The following TMCC2 variants were observed in gnomAD, a reference collection of about 807,000 sequenced individuals.
TMCC2 encodes the protein transmembrane and coiled-coil domains protein 2.
A neutral mutation model predicts 49.4 loss-of-function variants in TMCC2; 16 were observed. That is an observed-to-expected ratio of 0.32 (90% confidence interval 0.22 to 0.49). The LOEUF (loss-of-function observed/expected upper bound fraction) is 0.49, where lower values mean the gene tolerates loss of function less well. TMCC2 is among the 20% of genes least tolerant of loss of function. The probability of loss-of-function intolerance (pLI) is 0.99; values close to 1 mark genes in which losing one functional copy is unlikely to be tolerated. For synonymous variants in TMCC2, 397 were observed against 434.1 expected (o/e 0.91, Z 1.06); for missense variants, 762 against 989.8 (o/e 0.77, Z 3.09).
chr1:205,259,032 C>T (rs1173542136), intron 2 of TMCC2, among the ~76,000 whole-genome samples: 2 of 152,226 alleles, frequency 1.3e-5, no homozygotes, highest in African/African-American at 4.8e-5. Context: ...CCACTGGGAG[C>T]CCAGACCTTG....
At chr1:205,268,412 G>A (rs541798161) in intron 2 of TMCC2, among the ~76,000 whole-genome samples, 1 of 152,278 alleles carries the variant, frequency 6.6e-6, no homozygotes, top group African/African-American at 2.4e-5. Context: ...TCAGGAGTTC[G>A]AGACCAGCCT....
At chr1:205,256,297 C>T in intron 2 of TMCC2, 3 of 1,548,550 alleles carry the variant, frequency 1.9e-6, no homozygotes, top group Non-Finnish European at 1.7e-6. Context: ...AGCTGGCCAG[C>T]CGGTGACACT....
chr1:205,265,781 G>A (rs1661298704), intron 2 of TMCC2, among the ~76,000 whole-genome samples: 1 of 150,614 alleles, frequency 6.6e-6, no homozygotes, highest in South Asian at 2.1e-4. Flanking sequence ...GGCTGGTCTC[G>A]AACCCCTGAC....
Position 205,258,723 on chromosome 1 carries a change from T to C in TMCC2, c.748-10227T>C, listed in dbSNP as rs1660981643. Among the ~76,000 whole-genome samples the C allele has an allele frequency of 1.3e-5, 2 of 152,224 alleles. 1 individual carries two copies. Among genetic ancestry groups the C allele is most frequent in the South Asian group, 4.1e-4 (2 of 4,834 alleles). ...AATAATTTTTCCACCCTGCTCTTGC[T>C]GGAATGTTGGGTTGGTACAAGAAAT... On this transcript the variant is annotated intron_variant, in intron 2 of 4. Coordinates refer to ENST00000358024, the MANE Select transcript of TMCC2 (RefSeq NM_014858.4).
rs1659643559 is a variant in TMCC2 at position 205,228,070 on chromosome 1, C to CG, written c.-491dup. On this transcript the variant is annotated 5_prime_UTR_variant, in exon 1 of 5. An upstream open reading frame in the 5' UTR loses its in-frame stop. Transcript: ENST00000358024. ...CTGCGGGCTCCGCGGCCGGACCATG[C>CG]GGGGCAGGGGCCGGTTGCAGGGCCG... The CG allele has an allele frequency of 6.8e-6, 1 of 146,598 alleles. No homozygotes were observed. Among genetic ancestry groups the CG allele is most frequent in the Admixed American group, 6.8e-5 (1 of 14,760 alleles). The allele number at this position is 146,598 out of a possible 1,614,324, so 9.1% of individuals were successfully genotyped here. A position where few individuals can be genotyped will look rare whatever the true frequency, so the allele number is the denominator to read the frequency against.
chr1:205,254,059 C>T (rs969455915), intron 2 of TMCC2, among the ~76,000 whole-genome samples: 8 of 152,208 alleles, frequency 5.3e-5, no homozygotes, highest in African/African-American at 1.2e-4. Context: ...AAGGCCGCCT[C>T]GTCCAAGCTG....
At chr1:205,229,562 T>TGGGGGGGGGGGGGGGGGGGGGGGG (rs1659707258) in intron 1 of TMCC2, 1 of 453,360 alleles carries the variant, frequency 2.2e-6, no homozygotes, top group African/African-American at 1.3e-4. Context: ...GGGGGGGTGG[T>TGGGGGGGGGGGGGGGGGGGGGGGG]GGCGGGGGCG....
Position 205,272,141 on chromosome 1 carries a change from A to C in TMCC2, c.*17A>C. The C allele has an allele frequency of 6.2e-7, 1 of 1,605,540 alleles. No homozygotes were observed. Among genetic ancestry groups the C allele is most frequent in the Non-Finnish European group, 8.5e-7 (1 of 1,173,222 alleles). On this transcript the variant is annotated 3_prime_UTR_variant, in exon 5 of 5. Coordinates refer to ENST00000358024, the MANE Select transcript of TMCC2 (RefSeq NM_014858.4). Reference sequence around the variant, plus strand: ...CCCAGCTGAGTGGCCAGCCACACCAACCCTGTGCTCTCTGGCCCCCAGCTG... The same window carrying C: ...CCCAGCTGAGTGGCCAGCCACACCACCCCTGTGCTCTCTGGCCCCCAGCTG...
intron 2 of TMCC2, chr1:205,246,670 C>G (rs754405634): frequency 1.3e-6 from 2 of 1,550,274 alleles, no homozygotes; most frequent in Non-Finnish European, 8.7e-7. Context: ...CATGTAGAGG[C>G]AGCCAGGCCC....
At chr1:205,234,635 A>C (rs887426207) in intron 1 of TMCC2, among the ~76,000 whole-genome samples, 4 of 152,140 alleles carry the variant, frequency 2.6e-5, no homozygotes, top group Middle Eastern at 3.4e-3. Context: ...TTAATCAGGA[A>C]AGTTGTTCTG....
chr1:205,268,920 C>T, intron 2 of TMCC2, 30 bp from the exon 3 acceptor site: 1 of 1,604,286 alleles, frequency 6.2e-7, no homozygotes, highest in Non-Finnish European at 8.5e-7. Context: ...AGGGTTTACC[C>T]ATGCTTCCTC....
In TMCC2 at chr1:205,264,404, C is replaced by T. The variant is rs574049300; in HGVS notation, c.748-4546C>T. ...TGCAGTCTTGGCTCACTGCAACTTCCGCCTCCCAGGTTCAAGTGATTCTTC... is the reference window on the plus strand; with the variant it reads ...TGCAGTCTTGGCTCACTGCAACTTCTGCCTCCCAGGTTCAAGTGATTCTTC... On this transcript the variant is annotated intron_variant, in intron 2 of 4. Coordinates refer to ENST00000358024, the MANE Select transcript of TMCC2 (RefSeq NM_014858.4). The surrounding 1 kb of genome is among the most constrained non-coding windows in gnomAD (Gnocchi z 4.2). Among the ~76,000 whole-genome samples the T allele has an allele frequency of 3.3e-5, 5 of 152,228 alleles. No individual in the cohort carries two copies. Among genetic ancestry groups the T allele is most frequent in the African/African-American group, 4.8e-5 (2 of 41,532 alleles).
chr1:205,268,979 C>G lies in TMCC2; in HGVS notation c.777C>G (p.Ser259Arg). Residue 259 changes from serine to arginine, a missense_variant, in exon 3 of 5, where the codon AGC (serine) becomes AGG (arginine). Ser to Arg is a moderately radical substitution (Grantham distance 110). Transcript: ENST00000358024. ...ATAAGGGAGACCTGGTGGCCCTGAG[C>G]CTCCCCGCCGGCCATGGTGACACCG... is the stretch of plus-strand genomic sequence containing the variant. Reference protein sequence around the residue: ...KVDKGDLVALSLPAGHGDTDG... With the variant: ...KVDKGDLVALRLPAGHGDTDG... 1 of 1,612,946 alleles carries G rather than the reference C, an allele frequency of 6.2e-7. No individual in the cohort carries two copies. The highest frequency in any genetic ancestry group is 8.5e-7 in the Non-Finnish European group (1 of 1,179,804).
At position 205,272,037 on chromosome 1, in the gene TMCC2, C is replaced by A; in HGVS notation, c.2043C>A (p.Thr681=). 1 of 1,614,234 alleles carries A rather than the reference C, an allele frequency of 6.2e-7. No individual in the cohort carries two copies. The highest frequency in any genetic ancestry group is 8.5e-7 in the Non-Finnish European group (1 of 1,180,032). ...AGACACGCCTGCGCATCACCAGCAC[C>A]ACCCTCCTGGTCCTCGTCCTGTTCC... ...LMKTRLRITS[T]TLLVLVLFLL... is the part of the protein sequence containing the mutation. The change falls in exon 5 of 5, where the codon ACC becomes ACA. Residue 681 remains threonine, a synonymous_variant. Transcript: ENST00000358024.
chr1:205,257,210 G>A (rs1036643706), intron 2 of TMCC2: 44 of 1,232,304 alleles, frequency 3.6e-5, no homozygotes, highest in African/African-American at 1.2e-4. Context: ...TGGAGATGGC[G>A]GCTGCAGAGT....
At chr1:205,263,472 C>T (rs1661199564) in intron 2 of TMCC2, among the ~76,000 whole-genome samples, 2 of 152,146 alleles carry the variant, frequency 1.3e-5, no homozygotes, top group South Asian at 4.1e-4. Flanking sequence ...AAGAGGATTG[C>T]TTAAGCCCAG....
chr1:205,234,801 A>G (rs376322019), intron 1 of TMCC2, among the ~76,000 whole-genome samples: 1 of 151,918 alleles, frequency 6.6e-6, no homozygotes, highest in Admixed American at 6.6e-5. Flanking sequence ...CTGGGACTAT[A>G]GGCATGCACC....
chr1:205,249,952 G>A (rs1660602349), intron 2 of TMCC2, among the ~76,000 whole-genome samples: 1 of 152,200 alleles, frequency 6.6e-6, no homozygotes, highest in Admixed American at 6.5e-5. Context: ...AGAGGCCTTG[G>A]GGTCCCAGCA....
chr1:205,238,223 A>T (rs1295224983), intron 1 of TMCC2, among the ~76,000 whole-genome samples: 3 of 151,828 alleles, frequency 2.0e-5, no homozygotes, highest in Admixed American at 6.5e-5. Context: ...GTAGCTGGTT[A>T]TGTGTATGTG....
Sources: gnomAD v4.1 joint callset for allele counts (sites outside exome capture counted in the v4.1 genomes callset) on GRCh38, gnomAD v4.1.1 for gene constraint, Gnocchi (gnomAD v3.1) non-coding constraint, MANE v1.5 for transcripts, NCBI Gene and HGNC (gene_info 2026-07-23, HGNC 2026-07-21) for gene names.